Variants in RAB3IL1 observed in about 807,000 individuals in gnomAD.
RAB3IL1 encodes the protein guanine nucleotide exchange factor for Rab-3A.
A neutral mutation model predicts 49.2 loss-of-function variants in RAB3IL1; 37 were observed. The observed-to-expected ratio is 0.75, with a 90% CI of 0.58 to 0.99. RAB3IL1 has a LOEUF of 0.99. RAB3IL1 is among the 50% of genes least tolerant of loss of function. The pLI is 0.00. For synonymous variants in RAB3IL1, 193 were observed against 213.9 expected (o/e 0.90, Z 0.85); for missense variants, 484 against 513.0 (o/e 0.94, Z 0.55).
the RAB3IL1 span, among the ~76,000 whole-genome samples, chr11:61,928,989 A>G: frequency 1.3e-5 from 2 of 152,186 alleles, no homozygotes; most frequent in African/African-American, 4.8e-5. Context: ...AAGAAAAAGA[A>G]CACACACAAA....
At chr11:61,938,045 C>T in the RAB3IL1 span, 3 of 152,028 alleles carry the variant, frequency 2.0e-5, no homozygotes, top group African/African-American at 7.2e-5. Flanking sequence ...ACTATATATG[C>T]TGTCTACAAG....
rs1226013922 is a variant in RAB3IL1, at chr11:61,898,582, G to A, written c.1067-222C>T. Among the ~76,000 whole-genome samples, 1 of 152,334 alleles carries A rather than the reference G, an allele frequency of 6.6e-6. No homozygotes were observed. Among genetic ancestry groups the A allele is most frequent in the East Asian group, 1.9e-4 (1 of 5,190 alleles). On this transcript the variant is annotated intron_variant, in intron 9 of 9. Coordinates refer to ENST00000394836, the MANE Select transcript of RAB3IL1 (RefSeq NM_013401.4). The surrounding 1 kb of genome is among the most constrained non-coding windows in gnomAD (Gnocchi z 5.1). The stretch of plus-strand genomic sequence containing the variant: ...CCGACCACACCCGAGGGATCTGTTT[G>A]CACTACACTGACGGCCACCCCCACA...
At chr11:61,900,864 C>T (rs1278111955) in intron 8 of RAB3IL1, among the ~76,000 whole-genome samples, 1 of 152,112 alleles carries the variant, frequency 6.6e-6, no homozygotes, top group Non-Finnish European at 1.5e-5. Flanking sequence ...TTTTGTGGGG[C>T]CTGCTGTTGA....
At chr11:61,928,365 C>G in the RAB3IL1 span, among the ~76,000 whole-genome samples, 1 of 151,996 alleles carries the variant, frequency 6.6e-6, no homozygotes, top group Admixed American at 6.6e-5. Flanking sequence ...ATACATGGAG[C>G]TAGGACCCTC....
rs1939187281 is a variant in RAB3IL1 at position 61,906,457 on chromosome 11, C to A, written c.657+9G>T. ...TTCCCCGTGCCCAGAGCCCGCTTCC[C>A]ACCCTCACCTCCTTGCCCTCTCTGT... On this transcript the variant is annotated intron_variant, in intron 5 of 9. Transcript: ENST00000394836. The surrounding 1 kb of genome is among the most constrained non-coding windows in gnomAD (Gnocchi z 4.6). The A allele has an allele frequency of 4.5e-6, 7 of 1,541,182 alleles. No individual in the cohort carries two copies. Among genetic ancestry groups the A allele is most frequent in the Non-Finnish European group, 5.2e-6 (6 of 1,146,566 alleles).
Position 61,904,865 on chromosome 11 carries a change from A to C in RAB3IL1, c.675T>G (p.Phe225Leu), listed in dbSNP as rs759869776. 7 of 1,604,536 alleles carry C rather than the reference A, an allele frequency of 4.4e-6. No individual in the cohort carries two copies. Among genetic ancestry groups the C allele is most frequent in the South Asian group, 1.1e-5 (1 of 88,990 alleles). ...REGKEVDTIL[F>L]AEFQAWRESP... ...ATTCCCTCCAGGCCTGGAACTCTGC[A>C]AACAGGATTGTGTCCACCTGTGGGG... Residue 225 changes from phenylalanine (F) to leucine (L), a missense_variant, in exon 6 of 10, where the codon TTT becomes TTG. By Grantham distance (22) the Phe-to-Leu change is conservative (BLOSUM62 0). Transcript: ENST00000394836.
intron 5 of RAB3IL1, among the ~76,000 whole-genome samples, chr11:61,905,483 C>T (rs569304053): frequency 3.9e-5 from 6 of 152,250 alleles, no homozygotes; most frequent in Admixed American, 6.5e-5. Context: ...TGAGGTGAAC[C>T]GCCTTGCTGG....
intron 9 of RAB3IL1, chr11:61,899,039 C>G: frequency 1.8e-6 from 1 of 555,136 alleles, no homozygotes; most frequent in Non-Finnish European, 3.4e-6. Context: ...GAGGGGCCAC[C>G]ACCTCCAGGG....
the RAB3IL1 span, among the ~76,000 whole-genome samples, chr11:61,925,271 C>T: frequency 9.8e-5 from 15 of 152,308 alleles, no homozygotes; most frequent in South Asian, 4.1e-4. Context: ...ACCAGTCACT[C>T]TCTCAGGAGG....
chr11:61,934,423 T>G, the RAB3IL1 span, among the ~76,000 whole-genome samples: 1 of 58,992 alleles, frequency 1.7e-5, no homozygotes. Context: ...CATATATATG[T>G]GTATGTGTGT....
the RAB3IL1 span, among the ~76,000 whole-genome samples, chr11:61,938,643 C>T: frequency 6.6e-6 from 1 of 152,128 alleles, no homozygotes; most frequent in Admixed American, 6.6e-5. Flanking sequence ...CTGGAAATAT[C>T]GGCTGAGCAC....
At chr11:61,938,094 T>G in the RAB3IL1 span, 1 of 152,186 alleles carries the variant, frequency 6.6e-6, no homozygotes, top group Non-Finnish European at 1.5e-5. Context: ...TTGTTGAAAG[T>G]GAAAGGATGG....
Position 61,908,262 on chromosome 11 carries a change from A to G in RAB3IL1, c.56T>C (p.Val19Ala). The change falls in exon 2 of 10, where the codon GTC (valine) becomes GCC (alanine). Residue 19 changes from valine (V) to alanine (A), a missense_variant. Physicochemically the swap from Val to Ala is moderately conservative, Grantham distance 64. Transcript: ENST00000394836. ...DQGLPPPLAA[V>A]PVPWKSTDPC... Reference sequence around the variant, plus strand: ...GTCCGTGCTCTTCCAGGGGACCGGGACAGCTGCAAGGGGCGGCGGGAGGCC... The same window carrying G: ...GTCCGTGCTCTTCCAGGGGACCGGGGCAGCTGCAAGGGGCGGCGGGAGGCC... 1 of 1,519,136 alleles carries G rather than the reference A, an allele frequency of 6.6e-7. No individual in the cohort carries two copies. Among genetic ancestry groups the G allele is most frequent in the Non-Finnish European group, 8.8e-7 (1 of 1,134,224 alleles). 94.1% of individuals were successfully genotyped at this position (1,519,136 alleles called of 1,614,324 possible). A position where few individuals can be genotyped will look rare whatever the true frequency, so the allele number is the denominator to read the frequency against.
chr11:61,919,221 C>T (rs926939860), upstream of RAB3IL1, among the ~76,000 whole-genome samples: 1 of 152,232 alleles, frequency 6.6e-6, no homozygotes, highest in Non-Finnish European at 1.5e-5. Context: ...GAGGCGTCAG[C>T]TCAGGGCTAT....
chr11:61,934,964 C>T, the RAB3IL1 span, among the ~76,000 whole-genome samples: 4 of 152,172 alleles, frequency 2.6e-5, no homozygotes, highest in South Asian at 6.2e-4. Flanking sequence ...AAAAAAATCC[C>T]AACAAGTACT....
intron 1 of RAB3IL1, among the ~76,000 whole-genome samples, chr11:61,915,836 G>A (rs1381364072): frequency 6.6e-6 from 1 of 151,986 alleles, no homozygotes; most frequent in Non-Finnish European, 1.5e-5. Context: ...AGGAGATCGA[G>A]ACCATCCTTG....
chr11:61,941,529 T>C, the RAB3IL1 span, among the ~76,000 whole-genome samples: 1 of 152,014 alleles, frequency 6.6e-6, no homozygotes, highest in African/African-American at 2.4e-5. Flanking sequence ...GAGGCAGGTG[T>C]ATCACGAGGT....
chr11:61,929,248 G>A, the RAB3IL1 span, among the ~76,000 whole-genome samples: 1 of 152,084 alleles, frequency 6.6e-6, no homozygotes, highest in East Asian at 1.9e-4. Flanking sequence ...AGGCATGGTG[G>A]CTTCCCAGCA....
rs937083824 is a variant in RAB3IL1 at position 61,906,452 on chromosome 11, C to A, written c.657+14G>T. ...CACCCTTCCCCGTGCCCAGAGCCCGCTTCCCACCCTCACCTCCTTGCCCTC... is the reference window on the plus strand; with the variant it reads ...CACCCTTCCCCGTGCCCAGAGCCCGATTCCCACCCTCACCTCCTTGCCCTC... On this transcript the variant is annotated intron_variant, in intron 5 of 9. Coordinates refer to ENST00000394836, the MANE Select transcript of RAB3IL1 (RefSeq NM_013401.4). This position sits in a 1 kb window ranked among gnomAD's most constrained non-coding sequence, Gnocchi z 4.6. 6.5e-7 allele frequency: 1 copy of A among 1,540,242 alleles called. No homozygotes were observed. The highest frequency in any genetic ancestry group is 8.7e-7 in the Non-Finnish European group (1 of 1,146,328).
Sources: gnomAD v4.1 joint callset for allele counts (sites outside exome capture counted in the v4.1 genomes callset) on GRCh38, gnomAD v4.1.1 for gene constraint, Gnocchi (gnomAD v3.1) non-coding constraint, MANE v1.5 for transcripts, NCBI Gene and HGNC (gene_info 2026-07-23, HGNC 2026-07-21) for gene names.